SHISA6: variants seen among roughly 807,000 people sequenced by gnomAD.
The protein encoded by SHISA6 is shisa family member 6.
Under a neutral mutation model 47.9 loss-of-function variants are expected in SHISA6, and 22 were observed. That is an observed-to-expected ratio of 0.46 (90% CI 0.33 to 0.66). SHISA6 has a LOEUF of 0.66. SHISA6 is among the 30% of genes least tolerant of loss of function. The pLI, the probability that SHISA6 is intolerant of heterozygous loss-of-function variation, is 0.02. For synonymous variants in SHISA6, 388 were observed against 337.8 expected (o/e 1.15, Z -1.63); for missense variants, 680 against 764.6 (o/e 0.89, Z 1.30).
intron 3 of SHISA6, among the ~76,000 whole-genome samples, chr17:11,443,048 C>T (rs547840728): frequency 2.0e-5 from 3 of 152,324 alleles, no homozygotes; most frequent in Admixed American, 1.3e-4. Context: ...CCAACGATTA[C>T]GCTGTCTGCT....
At position 11,458,980 on chromosome 17, in the gene SHISA6, C is replaced by T. The variant is rs373502477; in HGVS notation, c.895+79471C>T. ...CAGCACTTTGGGAGGCCGAGGCAGG[C>T]GGATCATGAGGTCAGGATCAGGAGA... On this transcript the variant is annotated intron_variant, in intron 3 of 5. Coordinates refer to ENST00000441885, the MANE Select transcript of SHISA6 (RefSeq NM_207386.4). Among the ~76,000 whole-genome samples, 75 of 151,780 alleles carry T rather than the reference C, an allele frequency of 4.9e-4. 2 individuals carry two copies. In the East Asian group the frequency reaches 6.6e-3, roughly 13 times the overall value.
intron 3 of SHISA6, among the ~76,000 whole-genome samples, chr17:11,528,147 T>A (rs1046780859): frequency 3.9e-5 from 6 of 152,216 alleles, no homozygotes; most frequent in African/African-American, 1.4e-4. Context: ...CAATAGTATT[T>A]ACCAAACTAA....
chr17:11,334,537 G>T (rs570910728), intron 2 of SHISA6, among the ~76,000 whole-genome samples: 1 of 152,266 alleles, frequency 6.6e-6, no homozygotes, highest in African/African-American at 2.4e-5. Flanking sequence ...TGCCCTCCAG[G>T]AGAGCGCTAG....
intron 3 of SHISA6, among the ~76,000 whole-genome samples, chr17:11,414,940 G>T (rs11870656): frequency 0.19 from 29,138 of 151,876 alleles, 3,131 homozygotes; most frequent in South Asian, 0.36. Flanking sequence ...ACAAAAATTA[G>T]CCGGGCGTGG....
intron 3 of SHISA6, among the ~76,000 whole-genome samples, chr17:11,429,814 C>CCAAT (rs63144462): frequency 4.0e-5 from 6 of 149,120 alleles, no homozygotes; most frequent in Admixed American, 6.7e-5. Context: ...ATAAATAAAT[C>CCAAT]CAATCAATCA....
intron 3 of SHISA6, among the ~76,000 whole-genome samples, chr17:11,547,432 C>T (rs1396430109): frequency 6.6e-6 from 1 of 152,102 alleles, no homozygotes; most frequent in East Asian, 1.9e-4. Context: ...CAAACCCAAA[C>T]ATTTTGAATT....
At chr17:11,554,193 G>A (rs2071955096) in intron 4 of SHISA6, among the ~76,000 whole-genome samples, 1 of 152,170 alleles carries the variant, frequency 6.6e-6, no homozygotes, top group South Asian at 2.1e-4. Flanking sequence ...TACTCCCTCT[G>A]AGGAGCAGCA....
At chr17:11,420,375 A>G (rs1211014251) in intron 3 of SHISA6, among the ~76,000 whole-genome samples, 1 of 152,210 alleles carries the variant, frequency 6.6e-6, no homozygotes, top group African/African-American at 2.4e-5. Context: ...GGAGGATGAA[A>G]TAAGACCGTG....
intron 2 of SHISA6, among the ~76,000 whole-genome samples, chr17:11,311,963 AT>A (rs1201997354): frequency 2.0e-5 from 3 of 152,146 alleles, no homozygotes; most frequent in African/African-American, 7.2e-5. Flanking sequence ...TTTAGTAGAA[AT>A]GGGGTTTTGC....
At chr17:11,285,242 A>G (rs1909254498) in intron 2 of SHISA6, among the ~76,000 whole-genome samples, 1 of 152,160 alleles carries the variant, frequency 6.6e-6, no homozygotes, top group African/African-American at 2.4e-5. Flanking sequence ...CTGAGTTGGG[A>G]TTAGGTTTGC....
rs536099984 is a variant in SHISA6 at position 11,388,853 on chromosome 17, T to TAA, written c.895+9355_895+9356dup. 2.4e-4 allele frequency among the ~76,000 whole-genome samples: 20 copies of TAA among 82,376 alleles called. No individual in the cohort carries two copies. The South Asian group carries it at 4.7e-3, about 19-fold the overall frequency. The allele number at this position is 82,376 out of a possible 152,430, so 54.0% of individuals were successfully genotyped here. On this transcript the variant is annotated intron_variant, in intron 3 of 5. Transcript: ENST00000441885. ...ATATATATATATATTTTAAAAAAGG[T>TAA]AAAAAAAAAAAACCTTTGAGAGTTT...
intron 1 of SHISA6, among the ~76,000 whole-genome samples, chr17:11,261,020 G>T (rs541879467): frequency 6.6e-6 from 1 of 152,168 alleles, no homozygotes; most frequent in East Asian, 1.9e-4. Flanking sequence ...AGTTAATTAG[G>T]TGAGACCAGA....
chr17:11,469,605 T>G (rs1915890206), intron 3 of SHISA6, among the ~76,000 whole-genome samples: 1 of 152,060 alleles, frequency 6.6e-6, no homozygotes, highest in Non-Finnish European at 1.5e-5. Context: ...GTGGGTGAGG[T>G]TCACGTGATC....
At chr17:11,522,350 A>G (rs2142363907) in intron 3 of SHISA6, among the ~76,000 whole-genome samples, 1 of 150,298 alleles carries the variant, frequency 6.7e-6, no homozygotes, top group East Asian at 2.0e-4. Context: ...TACAGCCTCA[A>G]CCTCCTGGGC....
chr17:11,413,346 C>A (rs901681400), intron 3 of SHISA6, among the ~76,000 whole-genome samples: 1 of 152,204 alleles, frequency 6.6e-6, no homozygotes, highest in African/African-American at 2.4e-5. Context: ...TGTCTGTGTT[C>A]ACCCTCATAG....
chr17:11,471,418 G>A (rs187501688), intron 3 of SHISA6, among the ~76,000 whole-genome samples: 1 of 152,172 alleles, frequency 6.6e-6, no homozygotes, highest in Non-Finnish European at 1.5e-5. Flanking sequence ...AGGAAACTTG[G>A]GGGATACAGA....
chr17:11,499,771 A>G (rs1279848100), intron 3 of SHISA6, among the ~76,000 whole-genome samples: 1 of 147,292 alleles, frequency 6.8e-6, no homozygotes, highest in Non-Finnish European at 1.5e-5. Context: ...GTGCAATCTC[A>G]GCTCACTGCA....
At chr17:11,426,047 G>C (rs1266432603) in intron 3 of SHISA6, among the ~76,000 whole-genome samples, 1 of 152,172 alleles carries the variant, frequency 6.6e-6, no homozygotes, top group Non-Finnish European at 1.5e-5. Flanking sequence ...GTAAGGGTGA[G>C]TGTTACCTCC....
chr17:11,291,686 C>T (rs369855753), intron 2 of SHISA6, among the ~76,000 whole-genome samples: 31 of 151,966 alleles, frequency 2.0e-4, no homozygotes, highest in African/African-American at 6.0e-4. Context: ...ATTTCCTTAC[C>T]GTTCTGAAGG....
Sources: gnomAD v4.1 joint callset for allele counts (sites outside exome capture counted in the v4.1 genomes callset) on GRCh38, gnomAD v4.1.1 for gene constraint, MANE v1.5 for transcripts, NCBI Gene and HGNC (gene_info 2026-07-23, HGNC 2026-07-21) for gene names.